OPCML: variants seen among roughly 807,000 people sequenced by gnomAD.
OPCML encodes the protein opioid-binding protein/cell adhesion molecule.
In OPCML, 13 loss-of-function variants were observed where a neutral mutation model predicts 37.8. The ratio of observed to expected loss-of-function variants is 0.34; its 90% confidence interval spans 0.22 to 0.55. The LOEUF (loss-of-function observed/expected upper bound fraction) is 0.55. OPCML is among the 20% of genes least tolerant of loss of function. The pLI is 0.91. For synonymous variants in OPCML, 176 were observed against 168.8 expected (o/e 1.04, Z -0.33); for missense variants, 341 against 435.6 (o/e 0.78, Z 1.93).
intron 1 of OPCML, among the ~76,000 whole-genome samples, chr11:133,455,525 C>T (rs951962421): frequency 2.6e-5 from 4 of 152,138 alleles, no homozygotes; most frequent in South Asian, 2.1e-4. Context: ...CTCCTCTCTG[C>T]GCAGTCATTT....
rs141082368 is a variant in OPCML, at chr11:132,432,390, A to C, written c.916+3696T>G. ...ACTATCTGTCTGATCTTGTGCTGAA[A>C]CTATTGCCACACAGTCATAGGATCA... is the stretch of plus-strand genomic sequence containing the variant. On this transcript the variant is annotated intron_variant, in intron 7 of 7. Transcript: ENST00000524381. 5.8e-4 allele frequency among the ~76,000 whole-genome samples: 89 copies of C among 152,276 alleles called. 1 individual carries two copies. The East Asian group carries it at 0.016, about 27-fold the overall frequency.
chr11:133,170,215 G>A (rs1054901920), intron 1 of OPCML, among the ~76,000 whole-genome samples: 13 of 152,188 alleles, frequency 8.5e-5, no homozygotes, highest in Admixed American at 2.0e-4. Flanking sequence ...GGTGGCTCAC[G>A]CCTGTAATCC....
intron 2 of OPCML, among the ~76,000 whole-genome samples, chr11:132,796,565 C>CTTTTTTTT (rs71067396): frequency 2.3e-4 from 20 of 88,560 alleles, no homozygotes; most frequent in African/African-American, 4.5e-4. Flanking sequence ...TTTCTTCTTT[C>CTTTTTTTT]TTTTTTTTTT....
At chr11:132,549,593 C>T (rs1393978574) in intron 3 of OPCML, among the ~76,000 whole-genome samples, 1 of 152,102 alleles carries the variant, frequency 6.6e-6, no homozygotes, top group South Asian at 2.1e-4. Context: ...TGAAAAGCAG[C>T]CCCAAATCAT....
intron 1 of OPCML, among the ~76,000 whole-genome samples, chr11:133,519,197 C>T (rs1948351364): frequency 6.6e-6 from 1 of 152,180 alleles, no homozygotes; most frequent in African/African-American, 2.4e-5. Flanking sequence ...TTCCTAGTCC[C>T]ACTTTCTTCC....
chr11:133,235,152 C>A (rs1565521029), intron 1 of OPCML, among the ~76,000 whole-genome samples: 1 of 152,186 alleles, frequency 6.6e-6, no homozygotes, highest in Middle Eastern at 3.4e-3. Flanking sequence ...TTTCCCCACC[C>A]AACCACACTA....
At chr11:133,218,138 A>AT (rs372355759) in intron 1 of OPCML, among the ~76,000 whole-genome samples, 9 of 151,398 alleles carry the variant, frequency 5.9e-5, no homozygotes, top group African/African-American at 1.7e-4. Flanking sequence ...TGCCATGTGT[A>AT]TTTTTTTTTA....
intron 1 of OPCML, chr11:133,361,053 C>CA (rs1348117673): frequency 6.6e-6 from 1 of 152,422 alleles, no homozygotes; most frequent in African/African-American, 2.4e-5. Flanking sequence ...CTCCCTTCCG[C>CA]ACGGCTGCCC....
Position 133,532,315 on chromosome 11 carries a change from G to C in OPCML, c.10C>G (p.Pro4Ala), listed in dbSNP as rs754040315. The C allele has an allele frequency of 1.2e-6, 2 of 1,613,644 alleles. No individual in the cohort carries two copies. The highest frequency in any genetic ancestry group is 2.7e-5 in the African/African-American group (2 of 74,916). ...GCCGAGAAGACGACCCAGTAGGCAG[G>C]ATGGTACATCTCGACGCTGCGGTGC... MYH[P>A]AYWVVFSATT... The change falls in exon 1 of 8, where the codon CCT (proline) becomes GCT (alanine). Residue 4 changes from proline (P) to alanine (A), a missense_variant. By Grantham distance (27) the Pro-to-Ala change is conservative (BLOSUM62 -1). Transcript: ENST00000524381.
At chr11:132,810,943 G>A (rs900051836) in intron 2 of OPCML, 6 of 152,172 alleles carry the variant, frequency 3.9e-5, no homozygotes, top group Non-Finnish European at 7.3e-5. Flanking sequence ...GTGCTGGGTG[G>A]GTGGGGATAA....
intron 1 of OPCML, among the ~76,000 whole-genome samples, chr11:133,363,758 G>T (rs1944474518): frequency 6.6e-6 from 1 of 152,160 alleles, no homozygotes; most frequent in Non-Finnish European, 1.5e-5. Context: ...AAAGGTCAGT[G>T]GGGCTCTGGG....
At chr11:132,621,285 C>A (rs1038604993) in intron 3 of OPCML, among the ~76,000 whole-genome samples, 1 of 152,188 alleles carries the variant, frequency 6.6e-6, no homozygotes, top group Non-Finnish European at 1.5e-5. Context: ...TTTATGCCCC[C>A]AAATTCAACT....
At chr11:133,368,270 G>A (rs1944594865) in intron 1 of OPCML, among the ~76,000 whole-genome samples, 1 of 151,884 alleles carries the variant, frequency 6.6e-6, no homozygotes, top group Non-Finnish European at 1.5e-5. Flanking sequence ...AGAAGAACAG[G>A]GAGGAGAAGG....
In OPCML at chr11:132,562,708, G is replaced by C. The variant is rs556971876; in HGVS notation, c.380-33522C>G. Among the ~76,000 whole-genome samples, 597 of 152,158 alleles carry C rather than the reference G, an allele frequency of 3.9e-3. 4 individuals carry two copies. Among genetic ancestry groups the C allele is most frequent in the African/African-American group, 0.014 (569 of 41,524 alleles). ...CCTACACAGCAGGAACTTTTGATGT[G>C]GGTGGGTCCTGGCAGGAAGTTATCC... On this transcript the variant is annotated intron_variant, in intron 3 of 7. Coordinates refer to ENST00000524381, the MANE Select transcript of OPCML (RefSeq NM_001012393.5).
chr11:132,748,877 A>G (rs756104719), intron 2 of OPCML, among the ~76,000 whole-genome samples: 4 of 152,156 alleles, frequency 2.6e-5, no homozygotes, highest in Non-Finnish European at 5.9e-5. Context: ...GCTGAGGTGA[A>G]GGAGCTCCAT....
intron 1 of OPCML, among the ~76,000 whole-genome samples, chr11:133,022,730 G>C (rs1347541883): frequency 6.6e-6 from 1 of 152,254 alleles, no homozygotes; most frequent in Non-Finnish European, 1.5e-5. Flanking sequence ...AATATCATCC[G>C]TGGAATAATA....
chr11:132,468,130 C>T (rs1012143371), intron 4 of OPCML, among the ~76,000 whole-genome samples: 1 of 152,212 alleles, frequency 6.6e-6, no homozygotes, highest in African/African-American at 2.4e-5. Flanking sequence ...TTAGCCTTTA[C>T]TCATGCTTCA....
At chr11:133,082,211 C>T (rs957718910) in intron 1 of OPCML, among the ~76,000 whole-genome samples, 5 of 151,768 alleles carry the variant, frequency 3.3e-5, no homozygotes, top group African/African-American at 1.2e-4. Context: ...AGCCCCGCGT[C>T]CGCACGACCC....
chr11:133,414,497 A>G (rs1945718514), intron 1 of OPCML, among the ~76,000 whole-genome samples: 4 of 152,236 alleles, frequency 2.6e-5, no homozygotes, highest in Middle Eastern at 3.4e-3. Flanking sequence ...GTTGTCAGCT[A>G]TAGACATAAA....
Sources: allele counts gnomAD v4.1 joint callset (sites outside exome capture counted in the v4.1 genomes callset), GRCh38; gene constraint gnomAD v4.1.1; transcripts MANE v1.5; gene names NCBI Gene and HGNC (gene_info 2026-07-23, HGNC 2026-07-21).